Variants in ARNT2 observed in about 807,000 individuals in gnomAD.
ARNT2 encodes the protein ARNT protein 2.
ARNT2 carries 36 observed loss-of-function variants against 91.7 expected under a neutral mutation model. The ratio of observed to expected loss-of-function variants is 0.39; its 90% CI spans 0.30 to 0.52. ARNT2 has a LOEUF of 0.52. Among genes scored for constraint, ARNT2 ranks in the 20% least tolerant of loss-of-function variants. The pLI, the probability that ARNT2 is intolerant of heterozygous loss-of-function variation, is 0.72. For synonymous variants in ARNT2, 365 were observed against 347.1 expected (o/e 1.05, Z -0.57); for missense variants, 775 against 939.3 (o/e 0.83, Z 2.29).
intron 1 of ARNT2, among the ~76,000 whole-genome samples, chr15:80,449,019 A>C (rs7168754): frequency 6.6e-6 from 1 of 151,910 alleles, no homozygotes; most frequent in Non-Finnish European, 1.5e-5. Context: ...AAAACAAAAA[A>C]CCAAAACTTG....
chr15:80,571,621 G>T (rs1385376533), intron 12 of ARNT2, among the ~76,000 whole-genome samples: 1 of 152,218 alleles, frequency 6.6e-6, no homozygotes, highest in African/African-American at 2.4e-5. Flanking sequence ...AAGAGTGGAA[G>T]AGTAAAAGGT....
chr15:80,554,993 G>A (rs1317009757), intron 10 of ARNT2, 72 bp from the exon 11 acceptor site: 2 of 1,455,312 alleles, frequency 1.4e-6, no homozygotes, highest in Non-Finnish European at 1.9e-6. Context: ...AATGAACACT[G>A]TTGTATCACA....
At chr15:80,481,788 A>T (rs1896894217) in intron 5 of ARNT2, among the ~76,000 whole-genome samples, 1 of 152,234 alleles carries the variant, frequency 6.6e-6, no homozygotes, top group African/African-American at 2.4e-5. Flanking sequence ...TTTTAGATAT[A>T]GGGTCTCACT....
intron 5 of ARNT2, among the ~76,000 whole-genome samples, chr15:80,481,764 G>A (rs920718712): frequency 1.3e-5 from 2 of 152,024 alleles, no homozygotes; most frequent in African/African-American, 4.8e-5. Context: ...TAGCTGTAAT[G>A]AATTCTTTTA....
intron 2 of ARNT2, among the ~76,000 whole-genome samples, chr15:80,456,712 C>T (rs1317163859): frequency 1.3e-5 from 2 of 152,150 alleles, no homozygotes; most frequent in Non-Finnish European, 2.9e-5. Context: ...CCTGTGCCTT[C>T]TCCAAGTCAC....
In ARNT2 at chr15:80,597,283, C is replaced by T. The variant is rs768057817; in HGVS notation, c.*3585C>T. On this transcript the variant is annotated 3_prime_UTR_variant, in exon 19 of 19. Transcript: ENST00000303329. Reference sequence around the variant, plus strand: ...TGTGAACGCTCACCTTGCTCCGTCACGGTTCTGACCTACCACATAAACAGG... The same window carrying T: ...TGTGAACGCTCACCTTGCTCCGTCATGGTTCTGACCTACCACATAAACAGG... 3 of 518,594 alleles carry T rather than the reference C, an allele frequency of 5.8e-6. No homozygotes were observed. Among genetic ancestry groups the T allele is most frequent in the Non-Finnish European group, 1.2e-5 (3 of 259,820 alleles). The allele number at this position is 518,594 out of a possible 1,614,324, so 32.1% of individuals were successfully genotyped here.
intron 8 of ARNT2, among the ~76,000 whole-genome samples, chr15:80,531,902 T>C (rs1222991438): frequency 6.6e-6 from 1 of 152,116 alleles, no homozygotes; most frequent in African/African-American, 2.4e-5. Flanking sequence ...AGCACTTCCT[T>C]TCCCTTGACC....
At chr15:80,477,019 G>A (rs1172033209) in intron 5 of ARNT2, among the ~76,000 whole-genome samples, 1 of 152,172 alleles carries the variant, frequency 6.6e-6, no homozygotes, top group Non-Finnish European at 1.5e-5. Flanking sequence ...AGATCTGGTT[G>A]TGTGTAGTAC....
At chr15:80,436,371 C>T (rs1043962444) in intron 1 of ARNT2, 9 of 154,426 alleles carry the variant, frequency 5.8e-5, no homozygotes, top group African/African-American at 2.2e-4. Context: ...TTCCTGACCT[C>T]GGGGAGTTCC....
At chr15:80,441,274 T>C (rs899346233) in intron 1 of ARNT2, 1 of 985,262 alleles carries the variant, frequency 1.0e-6, no homozygotes, top group Admixed American at 6.1e-5. Context: ...TGCAGCTACA[T>C]TTCCTCCCAG....
At chr15:80,530,886 C>A (rs889257228) in intron 8 of ARNT2, among the ~76,000 whole-genome samples, 1 of 152,180 alleles carries the variant, frequency 6.6e-6, no homozygotes, top group African/African-American at 2.4e-5. Context: ...GGAAACTTGG[C>A]AGTCTGTATT....
intron 1 of ARNT2, among the ~76,000 whole-genome samples, chr15:80,427,661 T>C (rs145121529): frequency 6.6e-6 from 1 of 152,174 alleles, no homozygotes; most frequent in Non-Finnish European, 1.5e-5. Context: ...TCTTGAAAGG[T>C]GTGGGTCATT....
At chr15:80,438,094 A>G (rs1238369153) in intron 1 of ARNT2, among the ~76,000 whole-genome samples, 3 of 152,180 alleles carry the variant, frequency 2.0e-5, no homozygotes, top group African/African-American at 7.2e-5. Context: ...GAATGAAAAT[A>G]TGACATTCTA....
At chr15:80,576,993 G>A (rs753320037) in intron 15 of ARNT2, 28 bp downstream of exon 15, 86 of 1,603,722 alleles carry the variant, frequency 5.4e-5, no homozygotes, top group South Asian at 2.3e-4. Flanking sequence ...GGACAATGGC[G>A]TGGGAAGATG....
intron 8 of ARNT2, among the ~76,000 whole-genome samples, chr15:80,524,831 C>A (rs142910418): frequency 2.8e-4 from 42 of 150,542 alleles, no homozygotes; most frequent in Non-Finnish European, 4.0e-4. Flanking sequence ...GCAGAGATTG[C>A]GCCATTGCAC....
intron 8 of ARNT2, among the ~76,000 whole-genome samples, chr15:80,523,706 A>T (rs1426818060): frequency 1.3e-5 from 2 of 152,114 alleles, no homozygotes; most frequent in Admixed American, 6.5e-5. Flanking sequence ...TAGTGTCCTT[A>T]TGGATGGGAG....
chr15:80,565,333 T>C (rs1898458400), intron 12 of ARNT2, among the ~76,000 whole-genome samples: 1 of 152,196 alleles, frequency 6.6e-6, no homozygotes, highest in African/African-American at 2.4e-5. Flanking sequence ...GTCTTTTTGG[T>C]AGAACAATTT....
chr15:80,528,003 T>C (rs1429749414), intron 8 of ARNT2, among the ~76,000 whole-genome samples: 1 of 151,970 alleles, frequency 6.6e-6, no homozygotes, highest in African/African-American at 2.4e-5. Context: ...GGAAGTTGGA[T>C]TGAAGGGAGA....
At chr15:80,463,714 G>C (rs1896599873) in intron 3 of ARNT2, among the ~76,000 whole-genome samples, 1 of 151,922 alleles carries the variant, frequency 6.6e-6, no homozygotes, top group Admixed American at 6.6e-5. Flanking sequence ...GAGTAGCTGG[G>C]ATTACAGGTG....
Sources: gnomAD v4.1 joint callset for allele counts (sites outside exome capture counted in the v4.1 genomes callset) on GRCh38, gnomAD v4.1.1 for gene constraint, MANE v1.5 for transcripts, NCBI Gene and HGNC (gene_info 2026-07-23, HGNC 2026-07-21) for gene names.